CLASRP: variants seen among roughly 807,000 people sequenced by gnomAD.
CLASRP encodes CLK4-associating serine/arginine rich protein.
Under a neutral mutation model 99.9 loss-of-function variants are expected in CLASRP, and 52 were observed. The ratio of observed to expected loss-of-function variants is 0.52; its 90% CI spans 0.42 to 0.66. CLASRP has a LOEUF of 0.66. Among genes scored for constraint, CLASRP ranks in the 30% least tolerant of loss-of-function variants. The pLI, the probability that CLASRP is intolerant of heterozygous loss-of-function variation, is 0.00. For synonymous variants in CLASRP, 379 were observed against 373.0 expected, an observed-to-expected ratio of 1.02 and a Z score of -0.18; for missense variants, 848 against 999.2, an observed-to-expected ratio of 0.85 and a Z score of 2.04.
intron 11 of CLASRP, 89 bp from the exon 12 acceptor site, chr19:45,063,923 G>T: frequency 1.4e-6 from 2 of 1,479,782 alleles, no homozygotes; most frequent in Non-Finnish European, 1.8e-6. Flanking sequence ...TGTGGCCCGC[G>T]CTGGCGCTGC....
At chr19:45,068,739 C>T (rs1967157575) in intron 16 of CLASRP, among the ~76,000 whole-genome samples, 1 of 151,314 alleles carries the variant, frequency 6.6e-6, no homozygotes, top group Non-Finnish European at 1.5e-5. Flanking sequence ...TGGCTCACAC[C>T]TGTAATCCCA....
chr19:45,052,450 C>T (rs1379741513), intron 3 of CLASRP, among the ~76,000 whole-genome samples: 4 of 152,296 alleles, frequency 2.6e-5, no homozygotes, highest in South Asian at 4.1e-4. Context: ...GGTTGCCAGA[C>T]CCGAGCTGGC....
At chr19:45,058,887 TC>T (rs1972171682) in intron 7 of CLASRP, among the ~76,000 whole-genome samples, 1 of 151,634 alleles carries the variant, frequency 6.6e-6, no homozygotes, top group Non-Finnish European at 1.5e-5. Flanking sequence ...GCCTCACTCA[TC>T]CATTCCTCCC....
chr19:45,058,156 C>T, intron 7 of CLASRP: 3 of 505,450 alleles, frequency 5.9e-6, no homozygotes, highest in African/African-American at 1.9e-5. Context: ...GCTCCATTCT[C>T]CTCCACTTGG....
At chr19:45,058,953 CCATCCATCCCTGCATCCCTT>C (rs1332297812) in intron 7 of CLASRP, among the ~76,000 whole-genome samples, 1 of 152,096 alleles carries the variant, frequency 6.6e-6, no homozygotes, top group African/African-American at 2.4e-5. Context: ...ATTCATCCAT[CCATCCATCCCTGCATCCCTT>C]CATCCATCCC....
rs1568424583 is a variant in CLASRP at position 45,070,824 on chromosome 19, A to AAGCCCCCATTACC, written c.2005_2017dup (p.Arg673GlnfsTer26). The AAGCCCCCATTACC allele has an allele frequency of 2.5e-6, 4 of 1,610,356 alleles. No homozygotes were observed. Among genetic ancestry groups the AAGCCCCCATTACC allele is most frequent in the African/African-American group, 1.3e-5 (1 of 74,804 alleles). On this transcript the variant is annotated frameshift_variant, in exon 21 of 21. Coordinates refer to ENST00000221455, the MANE Select transcript of CLASRP (RefSeq NM_007056.3). LOFTEE classifies it high-confidence loss of function. ...CCAGGCGCTCAAGGTCCCGATCCCG[A>AAGCCCCCATTACC]AGCCCCCATTACCGACATTAGGCAG...
intron 13 of CLASRP, among the ~76,000 whole-genome samples, chr19:45,065,998 C>T (rs575341051): frequency 6.6e-6 from 1 of 152,204 alleles, no homozygotes; most frequent in Admixed American, 6.5e-5. Flanking sequence ...TCCTGCTGAC[C>T]TGGCAAGCAC....
rs12610027 is a variant in CLASRP, at chr19:45,067,504, G to A, written c.1577G>A (p.Arg526His). The A allele has an allele frequency of 1.2e-3, 1,978 of 1,590,134 alleles. 35 individuals carry two copies. The East Asian group carries it at 0.038, about 31-fold the overall frequency. Reference sequence around the variant, plus strand: ...CCCAGCCAGAGCCGCAGCCGCAGCCGCAGCCGCAGCCAGAGCCCCTCGCCA... The same window carrying A: ...CCCAGCCAGAGCCGCAGCCGCAGCCACAGCCGCAGCCAGAGCCCCTCGCCA... ...PSPSQSRSRSRSRSQSPSPSP... is the reference protein window; with the variant it reads ...PSPSQSRSRSHSRSQSPSPSP... The change falls in exon 14 of 21, where the codon CGC becomes CAC. Residue 526 changes from arginine to histidine, a missense_variant. Arg to His is a conservative substitution (Grantham distance 29, BLOSUM62 0). This residue lies in a region of CLASRP where 489 missense variants were observed against 434.7 expected (regional missense o/e 1.12). Transcript: ENST00000221455. This position sits in a 1 kb window ranked among gnomAD's most constrained non-coding sequence, Gnocchi z 4.9.
chr19:45,044,465 AG>A (rs2122531257), intron 2 of CLASRP, among the ~76,000 whole-genome samples: 1 of 152,306 alleles, frequency 6.6e-6, no homozygotes, highest in East Asian at 1.9e-4. Context: ...CGTGGCTTAC[AG>A]TCACATAGCA....
intron 2 of CLASRP, among the ~76,000 whole-genome samples, chr19:45,042,739 C>T (rs951727041): frequency 6.6e-6 from 1 of 151,976 alleles, no homozygotes; most frequent in African/African-American, 2.4e-5. Context: ...CACTCAACCT[C>T]CTGAGTAGCT....
chr19:45,057,995 C>T (rs562888204), intron 7 of CLASRP, 97 bp downstream of exon 7: 67 of 1,493,058 alleles, frequency 4.5e-5, no homozygotes, highest in African/African-American at 9.6e-5. Context: ...GCTTACGAAC[C>T]GTGTCTCTCT....
chr19:45,041,161 C>T (rs376584048), intron 2 of CLASRP, among the ~76,000 whole-genome samples: 5 of 147,228 alleles, frequency 3.4e-5, no homozygotes, highest in Non-Finnish European at 7.4e-5. Flanking sequence ...GGGGGCAGAG[C>T]GGAGCCTGCA....
chr19:45,057,672 G>A (rs1009683096), intron 6 of CLASRP, 78 bp from the exon 7 acceptor site: 31 of 1,557,782 alleles, frequency 2.0e-5, no homozygotes, highest in African/African-American at 1.4e-4. Flanking sequence ...CGTGGCACTC[G>A]AGACTGGTGT....
intron 3 of CLASRP, 111 bp from the exon 4 acceptor site, chr19:45,052,680 A>T (rs1972046875): frequency 1.3e-6 from 1 of 750,156 alleles, no homozygotes; most frequent in South Asian, 1.6e-5. Flanking sequence ...TGGGGACCAA[A>T]GCAGGCTGAG....
chr19:45,062,064 T>C, intron 10 of CLASRP, 90 bp from the exon 11 acceptor site: 3 of 837,728 alleles, frequency 3.6e-6, no homozygotes, highest in East Asian at 4.9e-5. Context: ...GTACCTAGCT[T>C]TGGGTCCTCA....
Position 45,067,228 on chromosome 19 carries a change from G to C in CLASRP, c.1410-109G>C. 1 of 1,276,792 alleles carries C rather than the reference G, an allele frequency of 7.8e-7. No homozygotes were observed. The highest frequency in any genetic ancestry group is 1.6e-5 in the South Asian group (1 of 63,808). The allele number at this position is 1,276,792 out of a possible 1,614,324, so 79.1% of individuals were successfully genotyped here. On this transcript the variant is annotated intron_variant, in intron 13 of 20. Transcript: ENST00000221455. The surrounding 1 kb of genome is among the most constrained non-coding windows in gnomAD (Gnocchi z 4.9). ...GTAGCAGGAGAGGAGAGTCGAGCCT[G>C]TCACCCTGGGCCTTGCAGGAAGGAG...
chr19:45,045,526 A>T (rs1459735977), intron 2 of CLASRP, among the ~76,000 whole-genome samples: 1 of 151,998 alleles, frequency 6.6e-6, no homozygotes, highest in Non-Finnish European at 1.5e-5. Flanking sequence ...TTAAAAAAAA[A>T]GTTTCGGGAT....
intron 18 of CLASRP, 167 bp from the exon 19 acceptor site, chr19:45,069,855 C>T: frequency 1.7e-6 from 1 of 585,358 alleles, no homozygotes; most frequent in Non-Finnish European, 3.1e-6. Flanking sequence ...GCCCCGCCAG[C>T]TGGGGTCCCT....
chr19:45,061,172 A>T (rs1966930121), intron 10 of CLASRP, among the ~76,000 whole-genome samples: 1 of 152,182 alleles, frequency 6.6e-6, no homozygotes, highest in Non-Finnish European at 1.5e-5. Flanking sequence ...CCCTGTGCAA[A>T]CCCATGCCTC....
Sources: allele counts gnomAD v4.1 joint callset (sites outside exome capture counted in the v4.1 genomes callset), GRCh38; gene constraint gnomAD v4.1.1; regional missense constraint gnomAD v4.1.1; non-coding constraint Gnocchi (gnomAD v3.1); transcripts MANE v1.5; gene names NCBI Gene and HGNC (gene_info 2026-07-23, HGNC 2026-07-21).